Variants in MAP7 observed in about 807,000 individuals in gnomAD.
The protein encoded by MAP7 is microtubule associated protein 7, also known as ensconsin.
In MAP7, 52 loss-of-function variants were observed where a neutral mutation model predicts 94.8. The observed-to-expected ratio is 0.55, with a 90% confidence interval of 0.44 to 0.69. The LOEUF is 0.69. Among genes scored for constraint, MAP7 ranks in the 30% least tolerant of loss-of-function variants. The pLI is 0.00. For synonymous variants in MAP7, 350 were observed against 357.0 expected (o/e 0.98, Z 0.22); for missense variants, 940 against 964.6 (o/e 0.97, Z 0.34).
chr6:136,421,556 G>A (rs1791365400), intron 2 of MAP7, 145 bp downstream of exon 2: 2 of 650,510 alleles, frequency 3.1e-6, no homozygotes, highest in Admixed American at 2.8e-5. Flanking sequence ...TGTGTGTTTG[G>A]TGGCAGGACT....
intron 1 of MAP7, among the ~76,000 whole-genome samples, chr6:136,452,139 A>G (rs960716613): frequency 2.6e-5 from 4 of 152,204 alleles, no homozygotes; most frequent in African/African-American, 9.7e-5. Context: ...GGTTGCAGTG[A>G]GCCGAGATCA....
intron 3 of MAP7, among the ~76,000 whole-genome samples, chr6:136,409,046 T>C (rs116594694): frequency 0.023 from 3,493 of 151,544 alleles, 137 homozygotes; most frequent in African/African-American, 0.079. Context: ...TATGATGGTT[T>C]AAATGGAAAA....
intron 8 of MAP7, 41 bp from the exon 9 acceptor site, chr6:136,366,480 C>G: frequency 7.4e-7 from 1 of 1,358,768 alleles, no homozygotes; most frequent in Non-Finnish European, 1.1e-6. Flanking sequence ...TTTCCACAAG[C>G]GAGGCAAACA....
intron 10 of MAP7, among the ~76,000 whole-genome samples, chr6:136,363,707 G>A (rs1473741580): frequency 6.6e-6 from 1 of 152,172 alleles, no homozygotes; most frequent in African/African-American, 2.4e-5. Context: ...TGGCTAGCCT[G>A]GCAGAGGTGA....
At chr6:136,430,854 A>G (rs1794688398) in intron 1 of MAP7, among the ~76,000 whole-genome samples, 2 of 152,078 alleles carry the variant, frequency 1.3e-5, no homozygotes, top group Non-Finnish European at 2.9e-5. Context: ...TTAGGCTTAC[A>G]GCACAATTGA....
At position 136,360,805 on chromosome 6, in the gene MAP7, A is replaced by G. The variant is rs368761720; in HGVS notation, c.1702-7T>C. On this transcript the variant is annotated splice_polypyrimidine_tract_variant and splice_region_variant and intron_variant, in intron 12 of 17. Transcript: ENST00000354570. ...CGCGAGCTTCTTCTTCTTTCTGAAAACAGAAGGTCGGCGTCTGCCTCTGAC... is the reference window on the plus strand; with the variant it reads ...CGCGAGCTTCTTCTTCTTTCTGAAAGCAGAAGGTCGGCGTCTGCCTCTGAC... The G allele has an allele frequency of 1.4e-5, 22 of 1,613,318 alleles. No homozygotes were observed. In the African/African-American group the frequency reaches 1.9e-4, roughly 14 times the overall value.
chr6:136,491,350 G>A (rs1816543197), intron 1 of MAP7, among the ~76,000 whole-genome samples: 2 of 152,184 alleles, frequency 1.3e-5, no homozygotes, highest in African/African-American at 4.8e-5. Flanking sequence ...TTAAGTGCCA[G>A]GATGAGCTGT....
At chr6:136,412,967 C>T (rs1562371315) in intron 2 of MAP7, among the ~76,000 whole-genome samples, 1 of 151,948 alleles carries the variant, frequency 6.6e-6, no homozygotes, top group Non-Finnish European at 1.5e-5. Flanking sequence ...TCGAGACCAG[C>T]CTGAGCAACA....
chr6:136,507,475 C>CAAAAAAAAAAAAAAA (rs10711278), intron 1 of MAP7, among the ~76,000 whole-genome samples: 1 of 87,250 alleles, frequency 1.1e-5, no homozygotes, highest in African/African-American at 3.6e-5. Context: ...AGAAGATTCT[C>CAAAAAAAAAAAAAAA]AAAAAAAAAA....
In MAP7 at chr6:136,420,414, C is replaced by T. The variant is rs1374606232; in HGVS notation, c.166+1287G>A. 9.6e-6 allele frequency: 5 copies of T among 521,584 alleles called. No homozygotes were observed. In the Admixed American group the frequency reaches 1.4e-4, roughly 14 times the overall value. 32.3% of individuals were successfully genotyped at this position (521,584 alleles called of 1,614,324 possible). A position where few individuals can be genotyped will look rare whatever the true frequency, so the allele number is the denominator to read the frequency against. On this transcript the variant is annotated intron_variant, in intron 2 of 17. Coordinates refer to ENST00000354570, the MANE Select transcript of MAP7 (RefSeq NM_003980.6). The stretch of plus-strand genomic sequence containing the variant: ...GCCAGGGGAACTCAGCTACCAGGTC[C>T]ACTTCTGCCAACAAATGTGATTTTC...
intron 8 of MAP7, among the ~76,000 whole-genome samples, chr6:136,368,508 G>A (rs1217852139): frequency 4.6e-5 from 7 of 152,154 alleles, no homozygotes; most frequent in South Asian, 2.1e-4. Flanking sequence ...ATACTTTAAC[G>A]CAGTGCTGTT....
intron 6 of MAP7, among the ~76,000 whole-genome samples, chr6:136,379,271 T>C (rs1399118403): frequency 6.6e-6 from 1 of 152,240 alleles, no homozygotes; most frequent in East Asian, 1.9e-4. Context: ...TTCCAATAAG[T>C]ACCTTAACTA....
intron 1 of MAP7, among the ~76,000 whole-genome samples, chr6:136,458,655 T>C (rs1482529588): frequency 3.3e-5 from 5 of 151,844 alleles, no homozygotes; most frequent in African/African-American, 1.2e-4. Context: ...ATGCCAAAAA[T>C]ACACAATGGG....
chr6:136,343,919 C>G lies in MAP7; in HGVS notation c.*309G>C, dbSNP rs1384770021. ...AAAATCATGCCTAGTCAGCCCATTT[C>G]TTTTATAACCAAATTCTCTTGTCTT... On this transcript the variant is annotated 3_prime_UTR_variant, in exon 18 of 18. Transcript: ENST00000354570. 1 of 197,522 alleles carries G rather than the reference C, an allele frequency of 5.1e-6. No homozygotes were observed. The highest frequency in any genetic ancestry group is 1.0e-5 in the Non-Finnish European group (1 of 98,346). The allele number at this position is 197,522 out of a possible 1,614,324, so 12.2% of individuals were successfully genotyped here. A position where few individuals can be genotyped will look rare whatever the true frequency, so the allele number is the denominator to read the frequency against.
chr6:136,376,406 T>A (rs1054822827), intron 7 of MAP7, among the ~76,000 whole-genome samples: 5 of 152,072 alleles, frequency 3.3e-5, no homozygotes, highest in Non-Finnish European at 7.4e-5. Context: ...GCCTGAAAAG[T>A]GGTTTAAAAG....
chr6:136,408,962 C>T (rs1274703767), intron 3 of MAP7, among the ~76,000 whole-genome samples: 3 of 151,160 alleles, frequency 2.0e-5, no homozygotes, highest in East Asian at 1.9e-4. Context: ...ATAATATATG[C>T]ATGTATATTT....
chr6:136,474,702 G>A (rs539099040), intron 1 of MAP7, among the ~76,000 whole-genome samples: 2 of 149,596 alleles, frequency 1.3e-5, no homozygotes, highest in South Asian at 2.2e-4. Flanking sequence ...TGTCTTCTAT[G>A]CTGCATGTCA....
At chr6:136,400,341 G>T (rs1240657287) in intron 3 of MAP7, among the ~76,000 whole-genome samples, 1 of 151,762 alleles carries the variant, frequency 6.6e-6, no homozygotes, top group Admixed American at 6.6e-5. Context: ...ACTTGAACCT[G>T]GGAGGCGGAG....
chr6:136,449,084 G>A (rs979091912), intron 1 of MAP7, among the ~76,000 whole-genome samples: 10 of 151,664 alleles, frequency 6.6e-5, no homozygotes, highest in Non-Finnish European at 1.2e-4. Flanking sequence ...CGAGGCGGGC[G>A]GATCACGAGG....
Sources: allele counts gnomAD v4.1 joint callset (sites outside exome capture counted in the v4.1 genomes callset), GRCh38; gene constraint gnomAD v4.1.1; transcripts MANE v1.5; gene names NCBI Gene and HGNC (gene_info 2026-07-23, HGNC 2026-07-21).